SHISA9: variants seen among roughly 807,000 people sequenced by gnomAD.
SHISA9 encodes the protein shisa family member 9.
Under a neutral mutation model 38.0 loss-of-function variants are expected in SHISA9, and 13 were observed. That is an observed-to-expected ratio of 0.34 (90% CI 0.22 to 0.54). The LOEUF is 0.54. Ranked by LOEUF, SHISA9 falls within the 20% of genes least tolerant of loss-of-function variation. SHISA9 has a pLI of 0.91. For synonymous variants in SHISA9, 275 were observed against 242.0 expected (o/e 1.14, Z -1.27); for missense variants, 538 against 575.8 (o/e 0.93, Z 0.67).
chr16:13,019,831 TC>T (rs2072809126), intron 2 of SHISA9, among the ~76,000 whole-genome samples: 4 of 106,212 alleles, frequency 3.8e-5, no homozygotes, highest in African/African-American at 1.1e-4. Context: ...TTTCTTTCTT[TC>T]TTTTTCCTTC....
At chr16:13,102,439 A>G (rs548795877) in intron 2 of SHISA9, among the ~76,000 whole-genome samples, 19 of 152,236 alleles carry the variant, frequency 1.2e-4, no homozygotes, top group African/African-American at 4.3e-4. Context: ...CGCGTGGCCC[A>G]GGAGGTCTCT....
chr16:13,425,808 C>T, the SHISA9 span, among the ~76,000 whole-genome samples: 112,700 of 152,196 alleles, frequency 0.74, 41,909 homozygotes, highest in Admixed American at 0.82. Flanking sequence ...ATTTGAGAGT[C>T]GTTGTTATTT....
At chr16:13,247,381 C>A in the SHISA9 span, among the ~76,000 whole-genome samples, 3 of 152,104 alleles carry the variant, frequency 2.0e-5, no homozygotes, top group South Asian at 6.2e-4. Context: ...ATCTTTAATC[C>A]TCTCAGTAAC....
intron 2 of SHISA9, among the ~76,000 whole-genome samples, chr16:13,155,487 G>A (rs2050536059): frequency 6.6e-6 from 1 of 152,198 alleles, no homozygotes; most frequent in African/African-American, 2.4e-5. Context: ...TTGACTAGAT[G>A]ACCCCTCTGA....
the SHISA9 span, among the ~76,000 whole-genome samples, chr16:13,435,530 G>A: frequency 6.6e-6 from 1 of 152,170 alleles, no homozygotes; most frequent in Non-Finnish European, 1.5e-5. Context: ...ACTGGAAAAG[G>A]CACTTTTCAA....
At chr16:13,544,413 G>A in the SHISA9 span, among the ~76,000 whole-genome samples, 1 of 81,442 alleles carries the variant, frequency 1.2e-5, no homozygotes, top group Non-Finnish European at 2.4e-5. Flanking sequence ...TGTTTTTTCG[G>A]GTTTTTTTTT....
chr16:13,327,105 G>T, the SHISA9 span, among the ~76,000 whole-genome samples: 1 of 152,096 alleles, frequency 6.6e-6, no homozygotes, highest in Non-Finnish European at 1.5e-5. Flanking sequence ...TTGCCTTCAG[G>T]ACACACTGAA....
the SHISA9 span, among the ~76,000 whole-genome samples, chr16:13,368,197 G>C: frequency 1.6e-4 from 24 of 152,096 alleles, no homozygotes; most frequent in African/African-American, 5.6e-4. Flanking sequence ...AGGCTGAGTA[G>C]GTGAAATTGT....
At chr16:13,397,067 A>T in the SHISA9 span, among the ~76,000 whole-genome samples, 1 of 152,234 alleles carries the variant, frequency 6.6e-6, no homozygotes, top group Non-Finnish European at 1.5e-5. Context: ...ATTAAACAGT[A>T]AATGTATTTA....
chr16:12,940,414 T>C (rs973767410), intron 2 of SHISA9, among the ~76,000 whole-genome samples: 1 of 151,728 alleles, frequency 6.6e-6, no homozygotes, highest in Non-Finnish European at 1.5e-5. Context: ...GTTACCTTCC[T>C]AGTCCCCCCA....
chr16:13,117,099 A>T (rs894502609), intron 2 of SHISA9, among the ~76,000 whole-genome samples: 2 of 152,080 alleles, frequency 1.3e-5, no homozygotes, highest in African/African-American at 2.4e-5. Context: ...CAGCCTCCCG[A>T]GTAGCTGGGA....
intron 2 of SHISA9, among the ~76,000 whole-genome samples, chr16:13,165,722 A>G (rs1313274648): frequency 6.6e-6 from 1 of 152,240 alleles, no homozygotes; most frequent in Non-Finnish European, 1.5e-5. Flanking sequence ...TCAGCAGGTT[A>G]GACACAGTAT....
At chr16:12,980,757 G>A (rs1364593329) in intron 2 of SHISA9, among the ~76,000 whole-genome samples, 1 of 150,674 alleles carries the variant, frequency 6.6e-6, no homozygotes, top group Non-Finnish European at 1.5e-5. Flanking sequence ...TTTTAGTCAT[G>A]ACTTCTTCCT....
chr16:13,032,712 T>C (rs1596599189), intron 2 of SHISA9, among the ~76,000 whole-genome samples: 1 of 152,294 alleles, frequency 6.6e-6, no homozygotes, highest in South Asian at 2.1e-4. Context: ...TTATATCTTA[T>C]GGAATAGAAA....
intron 2 of SHISA9, among the ~76,000 whole-genome samples, chr16:13,148,998 G>A (rs1376708389): frequency 6.6e-6 from 1 of 152,082 alleles, no homozygotes; most frequent in African/African-American, 2.4e-5. Flanking sequence ...CCTCAGTGAC[G>A]GAAGTGCAAC....
At chr16:13,253,826 A>G in the SHISA9 span, among the ~76,000 whole-genome samples, 2 of 152,210 alleles carry the variant, frequency 1.3e-5, no homozygotes, top group African/African-American at 4.8e-5. Context: ...CATAAGGTCA[A>G]AAGGTGACAC....
chr16:12,916,664 G>A, intron 1 of SHISA9, 24 bp from the exon 2 acceptor site: 1 of 1,546,010 alleles, frequency 6.5e-7, no homozygotes, highest in Non-Finnish European at 8.7e-7. Context: ...TGAATGAACA[G>A]ATTTAAATTC....
chr16:13,249,777 C>A, the SHISA9 span, among the ~76,000 whole-genome samples: 1 of 152,022 alleles, frequency 6.6e-6, no homozygotes, highest in African/African-American at 2.4e-5. Flanking sequence ...ACTCTGTCAC[C>A]CAAGCTAGAG....
the SHISA9 span, among the ~76,000 whole-genome samples, chr16:13,562,011 T>C: frequency 6.6e-6 from 1 of 152,236 alleles, no homozygotes; most frequent in Non-Finnish European, 1.5e-5. Context: ...TTTGCTTCTC[T>C]GTAGGTGATG....
Sources: allele counts gnomAD v4.1 joint callset (sites outside exome capture counted in the v4.1 genomes callset), GRCh38; gene constraint gnomAD v4.1.1; transcripts MANE v1.5; gene names NCBI Gene and HGNC (gene_info 2026-07-23, HGNC 2026-07-21).